Variants in NEGR1 observed in about 807,000 individuals in gnomAD.
NEGR1 encodes IgLON family member 4.
In NEGR1, 10 loss-of-function variants were observed where a neutral mutation model predicts 40.9. That is an observed-to-expected ratio of 0.24 (90% CI 0.15 to 0.42). The LOEUF is 0.42. Among genes scored for constraint, NEGR1 ranks in the 10% least tolerant of loss-of-function variants. The pLI, the probability that NEGR1 is intolerant of heterozygous loss-of-function variation, is 1.00. For synonymous variants in NEGR1, 185 were observed against 166.8 expected, an observed-to-expected ratio of 1.11 and a Z score of -0.84; for missense variants, 352 against 438.9, an observed-to-expected ratio of 0.80 and a Z score of 1.77.
chr1:72,066,897 G>A (rs1465190729), intron 1 of NEGR1, among the ~76,000 whole-genome samples: 1 of 152,146 alleles, frequency 6.6e-6, no homozygotes, highest in African/African-American at 2.4e-5. Flanking sequence ...TCTGAGAAAT[G>A]TAAAAGCCAG....
At chr1:71,975,828 T>C (rs577328732) in intron 1 of NEGR1, among the ~76,000 whole-genome samples, 1 of 152,324 alleles carries the variant, frequency 6.6e-6, no homozygotes, top group Non-Finnish European at 1.5e-5. Context: ...CCCTCCCAGC[T>C]CAAAACTTTT....
chr1:71,992,785 T>A (rs1031223315), intron 1 of NEGR1, among the ~76,000 whole-genome samples: 2 of 152,220 alleles, frequency 1.3e-5, no homozygotes, highest in African/African-American at 4.8e-5. Flanking sequence ...CAGCTCTGAA[T>A]GAAATCTGAG....
intron 6 of NEGR1, among the ~76,000 whole-genome samples, chr1:71,546,416 C>A (rs554386397): frequency 2.0e-5 from 3 of 151,600 alleles, no homozygotes; most frequent in East Asian, 3.9e-4. Flanking sequence ...GGGCACACAA[C>A]AAACTATTTA....
chr1:71,772,724 A>T (rs1035503870), intron 3 of NEGR1, among the ~76,000 whole-genome samples: 2 of 152,080 alleles, frequency 1.3e-5, no homozygotes, highest in Admixed American at 6.6e-5. Context: ...ATCTAGAGAT[A>T]AAAAACACCT....
rs201865429 is a variant in NEGR1, at chr1:72,156,967, CTGTT to C, written c.176+125348_176+125351del. ...TTGTTGTTGTTGTTGTTGTTGTTGTCTGTTTGTGTGTTTTTGAGACAGTGTCTCT... is the reference window on the plus strand; with the variant it reads ...TTGTTGTTGTTGTTGTTGTTGTTGTCTGTGTGTTTTTGAGACAGTGTCTCT... On this transcript the variant is annotated intron_variant, in intron 1 of 6. Transcript: ENST00000357731. 7.1e-3 allele frequency among the ~76,000 whole-genome samples: 966 copies of C among 136,208 alleles called. 6 individuals carry two copies. The highest frequency in any genetic ancestry group is 0.022 in the Middle Eastern group (6 of 270). The allele number at this position is 136,208 out of a possible 152,430, so 89.4% of individuals were successfully genotyped here.
At chr1:71,465,710 G>C (rs552447289) in intron 6 of NEGR1, among the ~76,000 whole-genome samples, 1 of 152,080 alleles carries the variant, frequency 6.6e-6, no homozygotes, top group South Asian at 2.1e-4. Context: ...GCATCACTTG[G>C]TGAGTAAACT....
At chr1:71,646,288 C>A (rs1651527779) in intron 4 of NEGR1, among the ~76,000 whole-genome samples, 1 of 146,446 alleles carries the variant, frequency 6.8e-6, no homozygotes, top group South Asian at 2.1e-4. Context: ...AGTTCATTTT[C>A]TTTTCTTTGA....
intron 6 of NEGR1, chr1:71,571,069 C>T (rs1191018214): frequency 6.6e-6 from 1 of 152,134 alleles, no homozygotes; most frequent in African/African-American, 2.4e-5. Context: ...TCATTTTGAA[C>T]TCTGCATTAA....
intron 6 of NEGR1, chr1:71,461,814 C>T (rs1446423795): frequency 1.3e-5 from 2 of 152,220 alleles, no homozygotes; most frequent in East Asian, 3.9e-4. Flanking sequence ...AGAATACAGC[C>T]AAGGTCATTT....
At chr1:72,093,329 C>CAAAAAAAAAAAAAAAAAAA (rs11370565) in intron 1 of NEGR1, among the ~76,000 whole-genome samples, 12 of 118,790 alleles carry the variant, frequency 1.0e-4, no homozygotes, top group African/African-American at 4.5e-4. Context: ...GACTCTGCCT[C>CAAAAAAAAAAAAAAAAAAA]AAAAAAAAAA....
chr1:71,757,970 GT>G lies in NEGR1; in HGVS notation c.535+18201del, dbSNP rs939965105. ...AGTTAAAGCTCTTAATTTTGGATGA[GT>G]TTTTTTTTAACTCTTTGCCTGTAAT... On this transcript the variant is annotated intron_variant, in intron 3 of 6. Transcript: ENST00000357731. Among the ~76,000 whole-genome samples, 19 of 151,254 alleles carry G rather than the reference GT, an allele frequency of 1.3e-4. No homozygotes were observed. The East Asian group carries it at 1.6e-3, about 12-fold the overall frequency.
intron 6 of NEGR1, among the ~76,000 whole-genome samples, chr1:71,577,582 A>G (rs528297377): frequency 1.3e-5 from 2 of 152,308 alleles, no homozygotes; most frequent in Non-Finnish European, 2.9e-5. Flanking sequence ...TAATCTAGCT[A>G]TATACATGCA....
At chr1:71,710,844 A>G (rs1243721180) in intron 3 of NEGR1, among the ~76,000 whole-genome samples, 1 of 152,100 alleles carries the variant, frequency 6.6e-6, no homozygotes, top group Non-Finnish European at 1.5e-5. Context: ...ACTATAGCCA[A>G]TAATAACTTA....
intron 1 of NEGR1, among the ~76,000 whole-genome samples, chr1:71,967,706 C>A (rs1022759706): frequency 6.6e-6 from 1 of 152,096 alleles, no homozygotes; most frequent in Non-Finnish European, 1.5e-5. Flanking sequence ...GATAATACTG[C>A]CAATTATTTA....
chr1:71,950,881 T>C (rs1344481276), intron 1 of NEGR1, among the ~76,000 whole-genome samples: 2 of 151,958 alleles, frequency 1.3e-5, no homozygotes, highest in African/African-American at 4.8e-5. Context: ...TATATACACT[T>C]GCATCTTTTC....
intron 4 of NEGR1, among the ~76,000 whole-genome samples, chr1:71,637,362 G>T (rs1381458633): frequency 6.6e-6 from 1 of 151,860 alleles, no homozygotes; most frequent in Non-Finnish European, 1.5e-5. Flanking sequence ...CCATGTTATT[G>T]CTTGAGTATA....
rs543992329 is a variant in NEGR1 at position 72,258,379 on chromosome 1, C to T, written c.176+23940G>A. On this transcript the variant is annotated intron_variant, in intron 1 of 6. Coordinates refer to ENST00000357731, the MANE Select transcript of NEGR1 (RefSeq NM_173808.3). ...TGGGCTTTTAGAGGTACATGATTGT[C>T]GTGTGTGTGAGTGATCATTCAGTAA... 7.2e-5 allele frequency among the ~76,000 whole-genome samples: 11 copies of T among 152,046 alleles called. No individual in the cohort carries two copies. The South Asian group carries it at 1.9e-3, about 26-fold the overall frequency.
At chr1:71,931,146 A>G (rs1174243182) in intron 2 of NEGR1, among the ~76,000 whole-genome samples, 1 of 152,220 alleles carries the variant, frequency 6.6e-6, no homozygotes, top group Non-Finnish European at 1.5e-5. Context: ...TAAGGAAATT[A>G]CAATACCCTG....
chr1:71,710,047 T>C (rs1654028680), intron 3 of NEGR1, among the ~76,000 whole-genome samples: 1 of 152,084 alleles, frequency 6.6e-6, no homozygotes, highest in African/African-American at 2.4e-5. Context: ...TATAGGAAAA[T>C]ATCTAATAAT....
Sources: gnomAD v4.1 joint callset for allele counts (sites outside exome capture counted in the v4.1 genomes callset) on GRCh38, gnomAD v4.1.1 for gene constraint, MANE v1.5 for transcripts, NCBI Gene and HGNC (gene_info 2026-07-23, HGNC 2026-07-21) for gene names.